Variants in CADPS2 observed in about 807,000 individuals in gnomAD.
CADPS2 encodes calcium-dependent secretion activator 2.
CADPS2 carries 93 observed loss-of-function variants against 172.5 expected under a neutral mutation model. The ratio of observed to expected loss-of-function variants is 0.54; its 90% confidence interval spans 0.46 to 0.64. The LOEUF (loss-of-function observed/expected upper bound fraction) is 0.64, where lower values mean the gene tolerates loss of function less well. Ranked by LOEUF, CADPS2 falls within the 30% of genes least tolerant of loss-of-function variation. The probability of loss-of-function intolerance (pLI) is 0.00; values close to 1 mark genes in which losing one functional copy is unlikely to be tolerated. For missense variants in CADPS2, 1,420 were observed against 1,565.9 expected (o/e 0.91, Z 1.57); for synonymous variants, 546 against 555.2 (o/e 0.98, Z 0.23).
At chr7:122,392,871 A>T (rs1279225120) in intron 22 of CADPS2, among the ~76,000 whole-genome samples, 2 of 152,294 alleles carry the variant, frequency 1.3e-5, no homozygotes, top group East Asian at 3.9e-4. Context: ...TGCTTTGTAT[A>T]CATAAGGAGA....
At chr7:122,599,635 T>C (rs74861320) in intron 6 of CADPS2, among the ~76,000 whole-genome samples, 6,456 of 152,166 alleles carry the variant, frequency 0.042, 148 homozygotes, top group South Asian at 0.1. Context: ...AGTGTTAATC[T>C]GGATAACTAA....
chr7:122,646,203 C>T (rs530524824), intron 3 of CADPS2, among the ~76,000 whole-genome samples: 2 of 152,068 alleles, frequency 1.3e-5, no homozygotes, highest in African/African-American at 4.8e-5. Flanking sequence ...ATGTCTCGTC[C>T]TCATCTTTCA....
At chr7:122,695,299 A>G (rs1185922582) in intron 2 of CADPS2, among the ~76,000 whole-genome samples, 1 of 152,210 alleles carries the variant, frequency 6.6e-6, no homozygotes, top group Non-Finnish European at 1.5e-5. Context: ...TAATTCTTAC[A>G]AGGAACATAA....
At chr7:122,660,949 T>C (rs1588208404) in intron 3 of CADPS2, among the ~76,000 whole-genome samples, 1 of 151,990 alleles carries the variant, frequency 6.6e-6, no homozygotes. Flanking sequence ...TTGCACACTG[T>C]CTACAAAACA....
chr7:122,643,412 C>T (rs912171159), intron 3 of CADPS2, among the ~76,000 whole-genome samples: 3 of 152,228 alleles, frequency 2.0e-5, no homozygotes, highest in Non-Finnish European at 4.4e-5. Flanking sequence ...CCCACAAACA[C>T]ATGAGCTCTG....
At chr7:122,391,156 CA>C (rs1306478246) in intron 22 of CADPS2, among the ~76,000 whole-genome samples, 2 of 151,968 alleles carry the variant, frequency 1.3e-5, no homozygotes, top group Non-Finnish European at 2.9e-5. Flanking sequence ...AACATCATAA[CA>C]TTATGAGTAA....
chr7:122,434,642 G>C (rs547786090), intron 17 of CADPS2, among the ~76,000 whole-genome samples: 8 of 152,248 alleles, frequency 5.3e-5, no homozygotes, highest in African/African-American at 1.7e-4. Context: ...ACAGAGAGGA[G>C]AAACACATCA....
chr7:122,379,969 G>A (rs905752929), intron 24 of CADPS2, among the ~76,000 whole-genome samples: 16 of 152,024 alleles, frequency 1.1e-4, no homozygotes, highest in South Asian at 4.1e-4. Context: ...CAATATGCTC[G>A]AGCAAGGGCA....
intron 2 of CADPS2, among the ~76,000 whole-genome samples, chr7:122,692,917 C>T (rs1319259590): frequency 6.6e-6 from 1 of 152,236 alleles, no homozygotes; most frequent in Admixed American, 6.5e-5. Context: ...TCTCTCTGGG[C>T]ACAAGTGTGC....
chr7:122,590,290 C>A (rs2133172418), intron 6 of CADPS2, among the ~76,000 whole-genome samples: 2 of 151,982 alleles, frequency 1.3e-5, no homozygotes, highest in South Asian at 4.1e-4. Context: ...AACCAATGGA[C>A]TGGAACAGAG....
chr7:122,382,850 T>C (rs989633536), intron 24 of CADPS2, among the ~76,000 whole-genome samples: 2 of 152,072 alleles, frequency 1.3e-5, no homozygotes, highest in African/African-American at 2.4e-5. Context: ...GCTTATACAC[T>C]GTTGGTGGGA....
rs548251197 is a variant in CADPS2, at chr7:122,687,098, C to T, written c.454-23529G>A. Among the ~76,000 whole-genome samples the T allele has an allele frequency of 3.3e-5, 5 of 152,292 alleles. No individual in the cohort carries two copies. In the East Asian group the frequency reaches 9.6e-4, roughly 29 times the overall value. On this transcript the variant is annotated intron_variant, in intron 2 of 29. Transcript: ENST00000449022. ...AGCAGAAAGGCAGCCTACATCAAAACCCTTCAAACTAAATACTTTTTACAC... is the reference window on the plus strand; with the variant it reads ...AGCAGAAAGGCAGCCTACATCAAAATCCTTCAAACTAAATACTTTTTACAC...
In CADPS2 at chr7:122,513,239, A is replaced by C; in HGVS notation, c.1542+10T>G. 1 of 1,549,890 alleles carries C rather than the reference A, an allele frequency of 6.5e-7. No homozygotes were observed. The highest frequency in any genetic ancestry group is 8.7e-7 in the Non-Finnish European group (1 of 1,143,022). On this transcript the variant is annotated intron_variant, in intron 9 of 29. Coordinates refer to ENST00000449022, the MANE Select transcript of CADPS2 (RefSeq NM_017954.11). Reference sequence around the variant, plus strand: ...TTAGAGTGATTATTTAACAGGAAAAAATGACTAACCTGAACTAGAACAAAG... The same window carrying C: ...TTAGAGTGATTATTTAACAGGAAAACATGACTAACCTGAACTAGAACAAAG...
chr7:122,591,177 T>C (rs1412681952), intron 6 of CADPS2, among the ~76,000 whole-genome samples: 1 of 152,046 alleles, frequency 6.6e-6, no homozygotes, highest in African/African-American at 2.4e-5. Flanking sequence ...TCACAAGCAT[T>C]CCTATACACC....
At chr7:122,657,995 T>C (rs1554697864) in intron 3 of CADPS2, among the ~76,000 whole-genome samples, 1 of 152,100 alleles carries the variant, frequency 6.6e-6, no homozygotes, top group African/African-American at 2.4e-5. Context: ...ACTCATCTGA[T>C]AAAGGGCTAA....
intron 15 of CADPS2, among the ~76,000 whole-genome samples, chr7:122,447,454 C>T (rs2052407327): frequency 6.6e-6 from 1 of 150,840 alleles, no homozygotes; most frequent in Admixed American, 6.6e-5. Context: ...TGATTGCTCT[C>T]TAAAATCAAC....
intron 7 of CADPS2, among the ~76,000 whole-genome samples, chr7:122,559,403 A>T (rs2065433535): frequency 6.6e-6 from 1 of 152,104 alleles, no homozygotes; most frequent in Admixed American, 6.6e-5. Flanking sequence ...ACCGCTCTCC[A>T]CGAAAAGAAC....
intron 8 of CADPS2, among the ~76,000 whole-genome samples, chr7:122,530,697 C>T (rs2061683105): frequency 6.6e-6 from 1 of 152,144 alleles, no homozygotes; most frequent in Non-Finnish European, 1.5e-5. Flanking sequence ...ACTATTAATA[C>T]ACAATATTCA....
At chr7:122,750,751 A>G (rs1274854957) in intron 1 of CADPS2, among the ~76,000 whole-genome samples, 1 of 152,134 alleles carries the variant, frequency 6.6e-6, no homozygotes, top group Non-Finnish European at 1.5e-5. Context: ...CTTTTTTTAA[A>G]AAATGCAGGT....
Sources: allele counts gnomAD v4.1 joint callset (sites outside exome capture counted in the v4.1 genomes callset), GRCh38; gene constraint gnomAD v4.1.1; transcripts MANE v1.5; gene names NCBI Gene and HGNC (gene_info 2026-07-23, HGNC 2026-07-21).